The following AGRN variants were observed in gnomAD, a reference collection of about 807,000 sequenced individuals.
AGRN encodes agrin.
A neutral mutation model predicts 211.0 loss-of-function variants in AGRN; 106 were observed. The ratio of observed to expected loss-of-function variants is 0.50; its 90% CI spans 0.43 to 0.59. The LOEUF (loss-of-function observed/expected upper bound fraction) is 0.59. Ranked by LOEUF, AGRN falls within the 20% of genes least tolerant of loss-of-function variation. The probability of loss-of-function intolerance (pLI) is 0.00; values close to 1 mark genes in which losing one functional copy is unlikely to be tolerated. For synonymous variants in AGRN, 1,525 were observed against 1,332.5 expected (o/e 1.14, Z -3.15); for missense variants, 3,040 against 2,982.6 (o/e 1.02, Z -0.45).
chr1:1,033,487 C>G (rs1056084589), intron 2 of AGRN, among the ~76,000 whole-genome samples: 1 of 151,510 alleles, frequency 6.6e-6, no homozygotes, highest in Non-Finnish European at 1.5e-5. Flanking sequence ...CAGGCGCTTC[C>G]TCCTCCCGCG....
rs532520312 is a variant in AGRN, at chr1:1,037,164, G to A, written c.511+1840G>A. The stretch of plus-strand genomic sequence containing the variant: ...CAGGTCTATGCTGGTGGCTGGGGCC[G>A]GGCAGGGCCAGGGCAAGAACTGCGT... On this transcript the variant is annotated intron_variant, in intron 3 of 35. Transcript: ENST00000379370. Among the ~76,000 whole-genome samples, 18 of 152,312 alleles carry A rather than the reference G, an allele frequency of 1.2e-4. No homozygotes were observed. In the South Asian group the frequency reaches 3.1e-3, roughly 26 times the overall value.
chr1:1,022,591 G>GTCTGACCTGTGGTCTGACTGTA (rs1644433353), intron 2 of AGRN, 129 bp downstream of exon 2: 7 of 20,064 alleles, frequency 3.5e-4, no homozygotes, highest in Admixed American at 1.4e-3. Context: ...GGTGTCTTGT[G>GTCTGACCTGTGGTCTGACTGTA]GTCCAACCTC....
chr1:1,039,127 C>T (rs984551330), intron 3 of AGRN, among the ~76,000 whole-genome samples: 2 of 152,176 alleles, frequency 1.3e-5, no homozygotes, highest in African/African-American at 2.4e-5. Context: ...ATAACCTGCC[C>T]ACATTCTCAC....
In AGRN at chr1:1,031,087, T is replaced by TTG. The variant is rs200116641; in HGVS notation, c.464-4175_464-4174dup. ...GCAGTGCATGGTGCTGTGAGTGTGA[T>TTG]TGTGTGTGTGTGTGTGCGGTGCATG... On this transcript the variant is annotated intron_variant, in intron 2 of 35. Transcript: ENST00000379370. The surrounding 1 kb of genome is among the most constrained non-coding windows in gnomAD (Gnocchi z 4.8). 0.25 allele frequency among the ~76,000 whole-genome samples: 16,192 copies of TTG among 64,488 alleles called. 4,449 individuals carry two copies. The highest frequency in any genetic ancestry group is 0.29 in the Middle Eastern group (18 of 62). The allele number at this position is 64,488 out of a possible 152,430, so 42.3% of individuals were successfully genotyped here.
At chr1:1,049,535 A>C (rs1338563953) in intron 25 of AGRN, 31 bp from the exon 26 acceptor site, 11 of 1,590,426 alleles carry the variant, frequency 6.9e-6, no homozygotes, top group Non-Finnish European at 8.5e-6. Context: ...GTGGCCCCTG[A>C]GCCCTGACCC....
In AGRN at chr1:1,048,421, T is replaced by TG. The variant is rs1450212017; in HGVS notation, c.4105+61dup. The stretch of plus-strand genomic sequence containing the variant: ...GAGGCAGCAGGGTGGGGGCAAGGAT[T>TG]GGGGGTGGGGCTAAGCCACCATCAG... On this transcript the variant is annotated intron_variant, in intron 23 of 35. Coordinates refer to ENST00000379370, the MANE Select transcript of AGRN (RefSeq NM_198576.4). This position sits in a 1 kb window ranked among gnomAD's most constrained non-coding sequence, Gnocchi z 5.9. 32 of 684,978 alleles carry TG rather than the reference T, an allele frequency of 4.7e-5. No individual in the cohort carries two copies. The highest frequency in any genetic ancestry group is 6.2e-5 in the Non-Finnish European group (26 of 420,508). The allele number at this position is 684,978 out of a possible 1,614,324, so 42.4% of individuals were successfully genotyped here.
intron 33 of AGRN, chr1:1,052,082 C>T: frequency 6.9e-7 from 1 of 1,447,854 alleles, no homozygotes; most frequent in Non-Finnish European, 9.3e-7. Context: ...TGGTGGGGAG[C>T]AGAGTCCGGA....
At chr1:1,044,525 C>A in intron 12 of AGRN, 86 bp downstream of exon 12, 1 of 1,351,452 alleles carries the variant, frequency 7.4e-7, no homozygotes, top group Non-Finnish European at 1.0e-6. Context: ...CCGTGTGCTG[C>A]GTTGGGCCCC....
rs758038475 is a variant in AGRN at position 1,047,833 on chromosome 1, C to T, written c.3689C>T (p.Ser1230Phe). Residue 1230 changes from serine (S) to phenylalanine (F), a missense_variant, in exon 22 of 36, where the codon TCC (serine) becomes TTC (phenylalanine). This residue lies in a region of AGRN where 1,537 missense variants were observed against 1,505.0 expected (regional missense o/e 1.02). Transcript: ENST00000379370. ...GCCCTGCTCCGGCAGATCCAGGTGT[C>T]CAGGCGCCGGTCCTTGGGGGTGAGG... is the stretch of plus-strand genomic sequence containing the variant. ...ARALLRQIQV[S>F]RRRSLGVRRP... 2 of 1,604,640 alleles carry T rather than the reference C, an allele frequency of 1.2e-6. No individual in the cohort carries two copies. The highest frequency in any genetic ancestry group is 4.5e-5 in the East Asian group (2 of 44,478).
rs1001011695 is a variant in AGRN, at chr1:1,053,203, G to A, written c.5652-550G>A. 1.2e-4 allele frequency: 35 copies of A among 299,810 alleles called. No homozygotes were observed. The Admixed American group carries it at 1.5e-3, about 13-fold the overall frequency. The allele number at this position is 299,810 out of a possible 1,614,324, so 18.6% of individuals were successfully genotyped here. On this transcript the variant is annotated intron_variant, in intron 33 of 35. Coordinates refer to ENST00000379370, the MANE Select transcript of AGRN (RefSeq NM_198576.4). The stretch of plus-strand genomic sequence containing the variant: ...GCTGTCTGCACGTGGGTGTCTGCAC[G>A]TGGGTGTCTGCATGTGGGTGTCTGT...
chr1:1,051,140 C>G (rs564966208), intron 30 of AGRN, 113 bp from the exon 31 acceptor site: 209 of 1,411,282 alleles, frequency 1.5e-4, no homozygotes, highest in Non-Finnish European at 2.0e-4. Context: ...GTGTGATTAA[C>G]GCTGCCCCCT....
intron 33 of AGRN, chr1:1,052,527 G>A (rs1411803347): frequency 2.9e-5 from 7 of 241,654 alleles, no homozygotes; most frequent in Non-Finnish European, 5.8e-5. Flanking sequence ...GTGTGTGTGT[G>A]TGCATATGGG....
chr1:1,034,612 G>C, intron 2 of AGRN: 1 of 986,544 alleles, frequency 1.0e-6, no homozygotes, highest in Non-Finnish European at 1.2e-6. Context: ...CCTCCCTGCT[G>C]GTGCGAGGCT....
chr1:1,050,729 C>A lies in AGRN; in HGVS notation c.5145C>A (p.Ser1715Arg). 6.2e-7 allele frequency: 1 copy of A among 1,601,544 alleles called. No individual in the cohort carries two copies. The highest frequency in any genetic ancestry group is 8.5e-7 in the Non-Finnish European group (1 of 1,176,484). Residue 1715 changes from serine to arginine, a missense_variant, in exon 30 of 36, where the codon AGC becomes AGA. Physicochemically the swap from Ser to Arg is moderately radical, Grantham distance 110. Transcript: ENST00000379370. ...TCACGCTGCCCCTCCTCACCAGGAG[C>A]AGGGAGCCAGTCACCCTGGGAGCCT... is the stretch of plus-strand genomic sequence containing the variant. ...DLGKGAAVIR[S>R]REPVTLGAWT...
intron 33 of AGRN, chr1:1,052,469 T>C: frequency 3.5e-6 from 1 of 283,838 alleles, no homozygotes; most frequent in Non-Finnish European, 6.9e-6. Context: ...TGTGCATGGC[T>C]CCATGTATGT....
Position 1,055,992 on chromosome 1 carries a change from C to T in AGRN, c.*1011C>T, listed in dbSNP as rs1034173704. ...CCCCCATCCCATCCCCACCCCCAGC[C>T]CCAGCCCAGTCCTCCTAGGAGCAGG... On this transcript the variant is annotated 3_prime_UTR_variant, in exon 36 of 36. Transcript: ENST00000379370. 5.2e-5 allele frequency: 8 copies of T among 152,454 alleles called. No individual in the cohort carries two copies. Among genetic ancestry groups the T allele is most frequent in the Admixed American group, 2.0e-4 (3 of 15,308 alleles). 9.4% of individuals were successfully genotyped at this position (152,454 alleles called of 1,614,324 possible). A position where few individuals can be genotyped will look rare whatever the true frequency, so the allele number is the denominator to read the frequency against.
intron 2 of AGRN, among the ~76,000 whole-genome samples, chr1:1,030,224 C>T (rs28972693): frequency 0.75 from 15,904 of 21,156 alleles, 6,653 homozygotes; most frequent in Middle Eastern, 0.92. Flanking sequence ...GAGATCAGCG[C>T]GTGTGTGTGT....
In AGRN at chr1:1,054,508, G is replaced by C. The variant is rs147367021; in HGVS notation, c.5937G>C (p.Pro1979=). Residue 1979 remains proline, a synonymous_variant, in exon 35 of 36, where the codon CCG becomes CCC. Transcript: ENST00000379370. ...GNEAPVTGSS[P]LGATQLDTDG... The stretch of plus-strand genomic sequence containing the variant: ...AGGCCCCTGTGACCGGCTCCTCCCC[G>C]CTGGGCGCCACGCAGCTGGACACTG... The C allele has an allele frequency of 2.5e-6, 4 of 1,603,126 alleles. No homozygotes were observed. Among genetic ancestry groups the C allele is most frequent in the Admixed American group, 1.7e-5 (1 of 58,742 alleles).
intron 3 of AGRN, among the ~76,000 whole-genome samples, chr1:1,035,535 C>G (rs115493882): frequency 6.6e-6 from 1 of 152,218 alleles, no homozygotes; most frequent in Non-Finnish European, 1.5e-5. Context: ...CACTGGACCT[C>G]GGCTCTCACT....
Sources: gnomAD v4.1 joint callset for allele counts (sites outside exome capture counted in the v4.1 genomes callset) on GRCh38, gnomAD v4.1.1 for gene constraint, gnomAD v4.1.1 regional missense constraint, Gnocchi (gnomAD v3.1) non-coding constraint, MANE v1.5 for transcripts, NCBI Gene and HGNC (gene_info 2026-07-23, HGNC 2026-07-21) for gene names.